NAV2: variants seen among roughly 807,000 people sequenced by gnomAD.
NAV2 encodes helicase, APC down-regulated 1.
In NAV2, 54 loss-of-function variants were observed where a neutral mutation model predicts 223.2. The observed-to-expected ratio is 0.24, with a 90% confidence interval of 0.19 to 0.30. NAV2 has a LOEUF of 0.30. Among genes scored for constraint, NAV2 ranks in the 10% least tolerant of loss-of-function variants. The pLI, the probability that NAV2 is intolerant of heterozygous loss-of-function variation, is 1.00. For synonymous variants in NAV2, 1,279 were observed against 1,239.3 expected (o/e 1.03, Z -0.67); for missense variants, 2,806 against 3,147.5 (o/e 0.89, Z 2.60).
At chr11:20,105,185 T>A (rs1306386739) in intron 34 of NAV2, 1 of 186,324 alleles carries the variant, frequency 5.4e-6, no homozygotes, top group African/African-American at 2.3e-5. Flanking sequence ...AGAGGCAGTT[T>A]GTCTCAGTGG....
At chr11:19,738,455 T>C (rs567378479) in intron 1 of NAV2, among the ~76,000 whole-genome samples, 13 of 152,350 alleles carry the variant, frequency 8.5e-5, no homozygotes, top group African/African-American at 3.1e-4. Context: ...CTCCATCTGC[T>C]TGGTTCTGGA....
At chr11:20,023,975 C>T (rs1233174416) in intron 11 of NAV2, among the ~76,000 whole-genome samples, 2 of 152,048 alleles carry the variant, frequency 1.3e-5, no homozygotes, top group Non-Finnish European at 2.9e-5. Context: ...CAGTGGGAAC[C>T]AAGAGAGGTT....
At position 20,067,100 on chromosome 11, in the gene NAV2, G is replaced by A. The variant is rs55924767; in HGVS notation, c.4885-1086G>A. On this transcript the variant is annotated intron_variant, in intron 20 of 37. Coordinates refer to ENST00000349880, the MANE Select transcript of NAV2 (RefSeq NM_145117.5). ...AGAGCCAGCATGTAAGGGACAAAGA[G>A]GGAAGCCAGTAAGAGGGGCAGCAGA... Among the ~76,000 whole-genome samples the A allele has an allele frequency of 2.3e-3, 344 of 152,314 alleles. 2 individuals are homozygous for A. Among genetic ancestry groups the A allele is most frequent in the Non-Finnish European group, 3.3e-3 (223 of 68,024 alleles).
intron 1 of NAV2, among the ~76,000 whole-genome samples, chr11:19,798,923 C>T (rs1307005056): frequency 6.6e-6 from 1 of 152,162 alleles, no homozygotes; most frequent in African/African-American, 2.4e-5. Context: ...AATATCAGCA[C>T]TACCCCAGTC....
chr11:19,973,591 G>A (rs533848943), intron 10 of NAV2, among the ~76,000 whole-genome samples: 1 of 152,336 alleles, frequency 6.6e-6, no homozygotes, highest in South Asian at 2.1e-4. Context: ...AAGCAGTGGT[G>A]AGATTAAGCG....
chr11:19,894,674 G>A (rs564548702), intron 6 of NAV2, among the ~76,000 whole-genome samples: 2 of 152,312 alleles, frequency 1.3e-5, no homozygotes, highest in African/African-American at 2.4e-5. Context: ...GCAAATTCCA[G>A]TAGAGGCAAT....
chr11:20,035,708 G>T (rs2153565799), intron 11 of NAV2, among the ~76,000 whole-genome samples: 1 of 152,342 alleles, frequency 6.6e-6, no homozygotes. Context: ...CATGGGTAGT[G>T]TCTGTAGCCA....
intron 1 of NAV2, among the ~76,000 whole-genome samples, chr11:19,792,564 G>A (rs1174286297): frequency 3.3e-5 from 5 of 152,184 alleles, no homozygotes; most frequent in Non-Finnish European, 5.9e-5. Flanking sequence ...TGCTGTTTGA[G>A]GAAGCTGGGA....
intron 11 of NAV2, among the ~76,000 whole-genome samples, chr11:19,992,410 T>C (rs2051429096): frequency 6.6e-6 from 1 of 152,158 alleles, no homozygotes; most frequent in Non-Finnish European, 1.5e-5. Flanking sequence ...CAGAGTATCA[T>C]TCTTGTGCAT....
intron 1 of NAV2, among the ~76,000 whole-genome samples, chr11:19,375,268 G>T (rs559219299): frequency 1.2e-4 from 19 of 152,328 alleles, no homozygotes; most frequent in African/African-American, 3.6e-4. Context: ...AGGTTATGGT[G>T]GAAGACCTCT....
chr11:19,830,068 T>C (rs1020906474), intron 1 of NAV2, among the ~76,000 whole-genome samples: 2 of 151,950 alleles, frequency 1.3e-5, no homozygotes, highest in Non-Finnish European at 2.9e-5. Context: ...CTACTAAAAA[T>C]ACAAAAATTA....
At chr11:19,592,402 A>G (rs1179339736) in intron 1 of NAV2, among the ~76,000 whole-genome samples, 3 of 152,128 alleles carry the variant, frequency 2.0e-5, no homozygotes, top group Non-Finnish European at 4.4e-5. Flanking sequence ...AAGCCTTCCT[A>G]GATCACCTCA....
chr11:19,525,714 A>G (rs1193750265), intron 1 of NAV2, among the ~76,000 whole-genome samples: 2 of 152,202 alleles, frequency 1.3e-5, no homozygotes, highest in African/African-American at 4.8e-5. Flanking sequence ...AGAAATACCT[A>G]TCACATCGTG....
At chr11:20,012,299 T>A (rs978665219) in intron 11 of NAV2, among the ~76,000 whole-genome samples, 4 of 152,238 alleles carry the variant, frequency 2.6e-5, no homozygotes, top group Non-Finnish European at 4.4e-5. Flanking sequence ...AAAGTAATTG[T>A]GGTTTTTGCC....
At chr11:19,563,275 C>T (rs12277097) in intron 1 of NAV2, among the ~76,000 whole-genome samples, 1,596 of 152,334 alleles carry the variant, frequency 0.01, 25 homozygotes, top group African/African-American at 0.036. Context: ...AGCTCTCCAT[C>T]ACTTCCCCAG....
intron 1 of NAV2, among the ~76,000 whole-genome samples, chr11:19,612,516 A>G (rs2046673105): frequency 6.6e-6 from 1 of 152,174 alleles, no homozygotes; most frequent in Admixed American, 6.5e-5. Context: ...CTGCTTAGAA[A>G]TTTCTTCCGC....
chr11:19,513,446 T>C (rs10500850), intron 1 of NAV2, among the ~76,000 whole-genome samples: 27,857 of 152,078 alleles, frequency 0.18, 2,963 homozygotes, highest in African/African-American at 0.29. Flanking sequence ...CCTTTCATTG[T>C]GCATCAGCAG....
At chr11:19,563,311 C>T (rs553605687) in intron 1 of NAV2, among the ~76,000 whole-genome samples, 2 of 152,296 alleles carry the variant, frequency 1.3e-5, no homozygotes, top group South Asian at 2.1e-4. Context: ...ACAGCTCTAC[C>T]AGTAATACAG....
In NAV2 at chr11:20,068,380, C is replaced by T; in HGVS notation, c.4965C>T (p.Thr1655=). The T allele has an allele frequency of 6.2e-7, 1 of 1,613,884 alleles. No individual in the cohort carries two copies. Among genetic ancestry groups the T allele is most frequent in the Non-Finnish European group, 8.5e-7 (1 of 1,179,754 alleles). The change falls in exon 22 of 38, where the codon ACC becomes ACT. Residue 1655 remains threonine, a synonymous_variant. Transcript: ENST00000349880. ...CCCAGGAGAAAGTTTCAGCTTTGACCACCCAGCTGACAGCAAATGTAAGTA... is the reference window on the plus strand; with the variant it reads ...CCCAGGAGAAAGTTTCAGCTTTGACTACCCAGCTGACAGCAAATGTAAGTA... ...DASQEKVSAL[T]TQLTANAHLV...
Sources: allele counts gnomAD v4.1 joint callset (sites outside exome capture counted in the v4.1 genomes callset), GRCh38; gene constraint gnomAD v4.1.1; transcripts MANE v1.5; gene names NCBI Gene and HGNC (gene_info 2026-07-23, HGNC 2026-07-21).